Variants in PDE1A observed in about 807,000 individuals in gnomAD.
The protein encoded by PDE1A is dual specificity calcium/calmodulin-dependent 3',5'-cyclic nucleotide phosphodiesterase 1A.
In PDE1A, 35 loss-of-function variants were observed where a neutral mutation model predicts 61.7. The observed-to-expected ratio is 0.57, with a 90% CI of 0.43 to 0.75. The LOEUF (loss-of-function observed/expected upper bound fraction) is 0.75, where lower values mean the gene tolerates loss of function less well. Ranked by LOEUF, PDE1A falls within the 30% of genes least tolerant of loss-of-function variation. The pLI, the probability that PDE1A is intolerant of heterozygous loss-of-function variation, is 0.00. For synonymous variants in PDE1A, 232 were observed against 213.2 expected (o/e 1.09, Z -0.77); for missense variants, 597 against 630.6 (o/e 0.95, Z 0.57).
intron 2 of PDE1A, among the ~76,000 whole-genome samples, chr2:182,519,249 C>T (rs1690406600): frequency 6.6e-6 from 1 of 151,984 alleles, no homozygotes; most frequent in African/African-American, 2.4e-5. Context: ...TGTTTTCCAG[C>T]CCTAAACGAT....
intron 1 of PDE1A, among the ~76,000 whole-genome samples, chr2:182,272,458 T>C (rs1197476340): frequency 6.6e-6 from 1 of 152,202 alleles, no homozygotes; most frequent in East Asian, 1.9e-4. Flanking sequence ...ACTCTCAATC[T>C]AGTTTGAGGA....
At chr2:182,345,266 A>G (rs1441408359) in intron 1 of PDE1A, among the ~76,000 whole-genome samples, 1 of 152,204 alleles carries the variant, frequency 6.6e-6, no homozygotes, top group Non-Finnish European at 1.5e-5. Flanking sequence ...TGATGTCCCC[A>G]TCTTGGTGAA....
chr2:182,185,865 G>T (rs1244863839), intron 13 of PDE1A, 27 bp downstream of exon 13: 2 of 1,612,896 alleles, frequency 1.2e-6, no homozygotes, highest in Admixed American at 3.3e-5. Flanking sequence ...GAGAGAGATG[G>T]CAGTAAGGCC....
chr2:182,611,235 C>T, the PDE1A span, among the ~76,000 whole-genome samples: 1 of 152,174 alleles, frequency 6.6e-6, no homozygotes, highest in Non-Finnish European at 1.5e-5. Context: ...GATAACACAG[C>T]AACATTCAGC....
intron 10 of PDE1A, among the ~76,000 whole-genome samples, chr2:182,191,892 G>T (rs1685730149): frequency 6.7e-6 from 1 of 148,596 alleles, no homozygotes; most frequent in Non-Finnish European, 1.5e-5. Context: ...TTTCGCTCTT[G>T]TTGCCCAGGC....
the PDE1A span, among the ~76,000 whole-genome samples, chr2:182,558,563 C>G: frequency 1.3e-5 from 2 of 152,104 alleles, no homozygotes; most frequent in South Asian, 4.1e-4. Flanking sequence ...GTGAAAGGTA[C>G]AAGATCATGT....
At chr2:182,629,564 A>G in the PDE1A span, among the ~76,000 whole-genome samples, 3 of 152,152 alleles carry the variant, frequency 2.0e-5, no homozygotes, top group Admixed American at 6.5e-5. Flanking sequence ...TTCTCACTCA[A>G]CCATACCTCA....
At chr2:182,507,194 A>C (rs1689467452) in intron 2 of PDE1A, among the ~76,000 whole-genome samples, 1 of 152,166 alleles carries the variant, frequency 6.6e-6, no homozygotes, top group African/African-American at 2.4e-5. Flanking sequence ...TAACCACAGT[A>C]ATAGGTAGAA....
At chr2:182,184,126 C>G (rs1559150316) in intron 13 of PDE1A, among the ~76,000 whole-genome samples, 1 of 151,778 alleles carries the variant, frequency 6.6e-6, no homozygotes, top group East Asian at 1.9e-4. Context: ...ATGCATAACA[C>G]AATCCTCAGA....
At chr2:182,315,744 C>T (rs1696297811) in intron 1 of PDE1A, among the ~76,000 whole-genome samples, 1 of 152,136 alleles carries the variant, frequency 6.6e-6, no homozygotes, top group African/African-American at 2.4e-5. Flanking sequence ...TTAGTGCCTG[C>T]CCAGACTCCC....
the PDE1A span, among the ~76,000 whole-genome samples, chr2:182,676,239 C>T: frequency 2.6e-5 from 4 of 152,204 alleles, no homozygotes; most frequent in Admixed American, 6.5e-5. Context: ...GACATTACCA[C>T]TGACCTCACA....
At chr2:182,658,926 G>A in the PDE1A span, among the ~76,000 whole-genome samples, 1 of 152,082 alleles carries the variant, frequency 6.6e-6, no homozygotes, top group African/African-American at 2.4e-5. Context: ...GAAAAAGGGT[G>A]AAATTTCTGC....
chr2:182,602,195 A>G, the PDE1A span, among the ~76,000 whole-genome samples: 1 of 152,242 alleles, frequency 6.6e-6, no homozygotes, highest in East Asian at 1.9e-4. Flanking sequence ...CGGGCCCCCA[A>G]GAGTGCAGGA....
chr2:182,602,998 CATACATACATACATACAT>C, the PDE1A span, among the ~76,000 whole-genome samples: 1 of 148,882 alleles, frequency 6.7e-6, no homozygotes, highest in African/African-American at 2.5e-5. Flanking sequence ...CACACACATA[CATACATACATACATACAT>C]ACATACATAC....
chr2:182,378,092 CGCCT>C (rs1206327402), intron 1 of PDE1A, among the ~76,000 whole-genome samples: 7 of 152,112 alleles, frequency 4.6e-5, no homozygotes, highest in African/African-American at 7.2e-5. Context: ...GTGATCCACC[CGCCT>C]CAGCCTCCCA....
At chr2:182,601,182 G>A in the PDE1A span, among the ~76,000 whole-genome samples, 5 of 152,198 alleles carry the variant, frequency 3.3e-5, no homozygotes, top group African/African-American at 1.2e-4. Flanking sequence ...GCCAGGCATG[G>A]AGCTGCAAGG....
intron 1 of PDE1A, among the ~76,000 whole-genome samples, chr2:182,366,430 G>A (rs951708569): frequency 1.3e-5 from 2 of 151,942 alleles, no homozygotes; most frequent in Admixed American, 6.6e-5. Context: ...ATGATTTGCC[G>A]TTGGATCTCT....
chr2:182,215,145 C>G (rs1192999701), intron 7 of PDE1A, among the ~76,000 whole-genome samples: 6 of 45,962 alleles, frequency 1.3e-4, no homozygotes, highest in African/African-American at 4.3e-4. Context: ...GGAAACTGAA[C>G]AACCTGCTCC....
chr2:182,437,896 A>G (rs1347837847), intron 2 of PDE1A, among the ~76,000 whole-genome samples: 1 of 151,848 alleles, frequency 6.6e-6, no homozygotes, highest in Admixed American at 6.6e-5. Flanking sequence ...ATTTATGGAG[A>G]TTCTGAATTC....
Sources: allele counts gnomAD v4.1 joint callset (sites outside exome capture counted in the v4.1 genomes callset), GRCh38; gene constraint gnomAD v4.1.1; transcripts MANE v1.5; gene names NCBI Gene and HGNC (gene_info 2026-07-23, HGNC 2026-07-21).